TBL1XR1: variants seen among roughly 807,000 people sequenced by gnomAD.
The protein encoded by TBL1XR1 is TBL1X/Y related 1.
TBL1XR1 carries 5 observed loss-of-function variants against 66.9 expected under a neutral mutation model. That is an observed-to-expected ratio of 0.07 (90% CI 0.04 to 0.16). The LOEUF (loss-of-function observed/expected upper bound fraction) is 0.16. Among genes scored for constraint, TBL1XR1 ranks in the 10% least tolerant of loss-of-function variants. The pLI is 1.00. For synonymous variants in TBL1XR1, 210 were observed against 206.0 expected, an observed-to-expected ratio of 1.02 and a Z score of -0.17; for missense variants, 238 against 623.2, an observed-to-expected ratio of 0.38 and a Z score of 6.58.
At chr3:177,103,409 G>A (rs1724475311) in intron 1 of TBL1XR1, among the ~76,000 whole-genome samples, 1 of 152,172 alleles carries the variant, frequency 6.6e-6, no homozygotes, top group African/African-American at 2.4e-5. Context: ...TTCCAAAAAT[G>A]TATTTCAGAG....
At chr3:177,123,764 G>A (rs963257405) in intron 1 of TBL1XR1, among the ~76,000 whole-genome samples, 4 of 150,156 alleles carry the variant, frequency 2.7e-5, no homozygotes, top group East Asian at 3.9e-4. Flanking sequence ...GTACAAATAC[G>A]CACTAGTACA....
intron 1 of TBL1XR1, among the ~76,000 whole-genome samples, chr3:177,104,812 AT>A (rs1453082530): frequency 6.0e-4 from 92 of 152,236 alleles, no homozygotes; most frequent in Non-Finnish European, 2.4e-4. Flanking sequence ...ATGTCATTGA[AT>A]TTTATGTTAA....
chr3:177,029,225 G>C (rs6783515), intron 14 of TBL1XR1, among the ~76,000 whole-genome samples: 103,443 of 152,034 alleles, frequency 0.68, 36,357 homozygotes, highest in African/African-American at 0.88. Flanking sequence ...CTCTTGAGCT[G>C]AGGAGTCCAG....
intron 1 of TBL1XR1, among the ~76,000 whole-genome samples, chr3:177,112,824 G>A (rs1345445587): frequency 6.6e-6 from 1 of 152,000 alleles, no homozygotes; most frequent in Non-Finnish European, 1.5e-5. Flanking sequence ...CCAACATGGT[G>A]AAACCCCGTC....
intron 2 of TBL1XR1, among the ~76,000 whole-genome samples, chr3:177,089,896 T>C (rs74465724): frequency 0.013 from 2,012 of 152,348 alleles, 22 homozygotes; most frequent in Non-Finnish European, 0.022. Flanking sequence ...ATTAGAACCA[T>C]AGTGAAATAC....
At chr3:177,081,314 T>C (rs1721361480) in intron 2 of TBL1XR1, among the ~76,000 whole-genome samples, 1 of 152,226 alleles carries the variant, frequency 6.6e-6, no homozygotes, top group Admixed American at 6.5e-5. Context: ...TTGATTCTGG[T>C]ATTATGATGG....
chr3:177,147,316 T>C (rs1730369667), intron 1 of TBL1XR1, among the ~76,000 whole-genome samples: 1 of 152,158 alleles, frequency 6.6e-6, no homozygotes, highest in Non-Finnish European at 1.5e-5. Flanking sequence ...CTCAAAGTGC[T>C]GGGATTACAG....
intron 1 of TBL1XR1, among the ~76,000 whole-genome samples, chr3:177,193,627 T>C (rs556050376): frequency 1.2e-4 from 19 of 152,312 alleles, no homozygotes; most frequent in Admixed American, 6.5e-4. Context: ...TCTTATTAAA[T>C]GGTGCTAGGG....
Position 177,104,151 on chromosome 3 carries a change from A to T in TBL1XR1, c.-121-5610T>A, listed in dbSNP as rs913280336. The stretch of plus-strand genomic sequence containing the variant: ...AAAAAGAGAGAGAGAGAAATATATA[A>T]GAATTCTACCAGAATTGACCCTGCT... On this transcript the variant is annotated intron_variant, in intron 1 of 15. Coordinates refer to ENST00000457928, the MANE Select transcript of TBL1XR1 (RefSeq NM_024665.7). Among the ~76,000 whole-genome samples the T allele has an allele frequency of 1.1e-3, 163 of 151,172 alleles. 1 individual carries two copies. Among genetic ancestry groups the T allele is most frequent in the African/African-American group, 3.8e-3 (157 of 41,050 alleles).
intron 1 of TBL1XR1, among the ~76,000 whole-genome samples, chr3:177,113,164 A>G (rs1237254391): frequency 6.6e-6 from 1 of 152,196 alleles, no homozygotes; most frequent in South Asian, 2.1e-4. Context: ...GAATATTCAC[A>G]TGTAGAAAAA....
intron 3 of TBL1XR1, among the ~76,000 whole-genome samples, chr3:177,062,413 C>T (rs944371721): frequency 6.6e-6 from 1 of 152,172 alleles, no homozygotes; most frequent in Non-Finnish European, 1.5e-5. Context: ...AATGCAGATT[C>T]CCAGGCCCCA....
In TBL1XR1 at chr3:177,020,987, C is replaced by T. The variant is rs1342415798; in HGVS notation, c.*4511G>A. The T allele has an allele frequency of 1.3e-5, 2 of 152,140 alleles. No individual in the cohort carries two copies. Among genetic ancestry groups the T allele is most frequent in the South Asian group, 2.1e-4 (1 of 4,830 alleles). The allele number at this position is 152,140 out of a possible 1,614,324, so 9.4% of individuals were successfully genotyped here. On this transcript the variant is annotated 3_prime_UTR_variant, in exon 16 of 16. Coordinates refer to ENST00000457928, the MANE Select transcript of TBL1XR1 (RefSeq NM_024665.7). ...AACATCTACATCAGTCTTCCTTACA[C>T]AATAATCATGAAAACTGAACAATGA...
intron 1 of TBL1XR1, among the ~76,000 whole-genome samples, chr3:177,131,976 T>G (rs1728354141): frequency 6.6e-6 from 1 of 151,388 alleles, no homozygotes; most frequent in Admixed American, 6.6e-5. Flanking sequence ...AACTGTCCTG[T>G]GTACATTCCT....
At chr3:177,075,235 C>G (rs977468655) in intron 2 of TBL1XR1, among the ~76,000 whole-genome samples, 3 of 152,216 alleles carry the variant, frequency 2.0e-5, no homozygotes, top group Non-Finnish European at 4.4e-5. Context: ...CAAAATTAGT[C>G]TCTGCCTCCA....
intron 15 of TBL1XR1, chr3:177,026,126 G>A: frequency 2.1e-6 from 1 of 485,026 alleles, no homozygotes; most frequent in East Asian, 3.9e-5. Context: ...TTTCATAAAT[G>A]AAGGTTCATA....
rs756833949 is a variant in TBL1XR1 at position 177,096,331 on chromosome 3, T to TACAC, written c.-46+2134_-46+2135insGTGT. Among the ~76,000 whole-genome samples the TACAC allele has an allele frequency of 1.8e-3, 181 of 100,758 alleles. 2 individuals are homozygous for TACAC. Among genetic ancestry groups the TACAC allele is most frequent in the East Asian group, 5.9e-3 (18 of 3,030 alleles). The allele number at this position is 100,758 out of a possible 152,430, so 66.1% of individuals were successfully genotyped here. A position where few individuals can be genotyped will look rare whatever the true frequency, so the allele number is the denominator to read the frequency against. On this transcript the variant is annotated intron_variant, in intron 2 of 15. Coordinates refer to ENST00000457928, the MANE Select transcript of TBL1XR1 (RefSeq NM_024665.7). ...CATCTCTAACACACACTAACATACA[T>TACAC]ACATACACACACACACACACACTTA...
intron 2 of TBL1XR1, among the ~76,000 whole-genome samples, chr3:177,097,485 G>C (rs1431613974): frequency 6.6e-6 from 1 of 152,016 alleles, no homozygotes; most frequent in African/African-American, 2.4e-5. Flanking sequence ...TTTTATAAGA[G>C]TACTGCCAAA....
chr3:177,027,855 T>C (rs958724289), intron 14 of TBL1XR1: 4 of 152,184 alleles, frequency 2.6e-5, no homozygotes, highest in Non-Finnish European at 5.9e-5. Context: ...TCAAGTATAG[T>C]AGGCTTTGAG....
At position 177,030,524 on chromosome 3, in the gene TBL1XR1, T is replaced by C. The variant is rs564659757; in HGVS notation, c.1416+2447A>G. Among the ~76,000 whole-genome samples the C allele has an allele frequency of 2.4e-4, 36 of 152,162 alleles. No individual in the cohort carries two copies. The East Asian group carries it at 5.0e-3, about 21-fold the overall frequency. ...GGAATGACAGGCACTCTCTTCAGGA[T>C]TGCTATAGCCTCTAGGAAGGAAGAG... On this transcript the variant is annotated intron_variant, in intron 14 of 15. Coordinates refer to ENST00000457928, the MANE Select transcript of TBL1XR1 (RefSeq NM_024665.7).
Sources: allele counts gnomAD v4.1 joint callset (sites outside exome capture counted in the v4.1 genomes callset), GRCh38; gene constraint gnomAD v4.1.1; transcripts MANE v1.5; gene names NCBI Gene and HGNC (gene_info 2026-07-23, HGNC 2026-07-21).